The following GRID2 variants were observed in gnomAD, a reference collection of about 807,000 sequenced individuals.
GRID2 encodes the protein glutamate ionotropic receptor delta type subunit 2, also known as glutamate receptor ionotropic, delta-2.
A neutral mutation model predicts 114.8 loss-of-function variants in GRID2; 33 were observed. The ratio of observed to expected loss-of-function variants is 0.29; its 90% CI spans 0.22 to 0.38. The LOEUF (loss-of-function observed/expected upper bound fraction) is 0.38, where lower values mean the gene tolerates loss of function less well. Ranked by LOEUF, GRID2 falls within the 10% of genes least tolerant of loss-of-function variation. The probability of loss-of-function intolerance (pLI) is 1.00; values close to 1 mark genes in which losing one functional copy is unlikely to be tolerated. For synonymous variants in GRID2, 505 were observed against 449.9 expected, an observed-to-expected ratio of 1.12 and a Z score of -1.55; for missense variants, 1,184 against 1,257.7, an observed-to-expected ratio of 0.94 and a Z score of 0.89.
intron 1 of GRID2, among the ~76,000 whole-genome samples, chr4:92,361,042 TTTA>T (rs1728594912): frequency 6.6e-6 from 1 of 152,034 alleles, no homozygotes; most frequent in African/African-American, 2.4e-5. Flanking sequence ...ATTATTTTTA[TTTA>T]TTGTTTACTC....
intron 1 of GRID2, among the ~76,000 whole-genome samples, chr4:92,344,586 G>C (rs1013157500): frequency 6.6e-6 from 1 of 152,186 alleles, no homozygotes; most frequent in Admixed American, 6.5e-5. Flanking sequence ...TCTTCACTCG[G>C]ATTCGAGTGG....
At chr4:93,358,278 A>G (rs983631580) in intron 8 of GRID2, among the ~76,000 whole-genome samples, 1 of 151,828 alleles carries the variant, frequency 6.6e-6, no homozygotes, top group African/African-American at 2.4e-5. Flanking sequence ...ATTAATTAAC[A>G]GTAGCAAAAA....
chr4:93,791,694 T>G (rs1386557017), intron 1 of GRID2, among the ~76,000 whole-genome samples: 1 of 152,174 alleles, frequency 6.6e-6, no homozygotes, highest in African/African-American at 2.4e-5. Context: ...GAGAGTCCCC[T>G]TCTTGTTTCT....
chr4:92,725,862 A>G (rs1299894404), intron 2 of GRID2, among the ~76,000 whole-genome samples: 1 of 152,184 alleles, frequency 6.6e-6, no homozygotes, highest in African/African-American at 2.4e-5. Context: ...TTATATAGAG[A>G]TAAAGCTTTC....
intron 2 of GRID2, among the ~76,000 whole-genome samples, chr4:92,915,747 T>C (rs1160197930): frequency 6.6e-6 from 1 of 152,156 alleles, no homozygotes; most frequent in Non-Finnish European, 1.5e-5. Context: ...GACTTTTTAA[T>C]AGTAGCCATT....
intron 13 of GRID2, among the ~76,000 whole-genome samples, chr4:93,596,673 GTTACA>G (rs931610611): frequency 2.0e-5 from 3 of 152,122 alleles, no homozygotes; most frequent in Admixed American, 1.3e-4. Flanking sequence ...TAAAAATTAC[GTTACA>G]TTGTTTTGTG....
At chr4:92,818,974 A>G (rs756523438) in intron 2 of GRID2, among the ~76,000 whole-genome samples, 20 of 152,084 alleles carry the variant, frequency 1.3e-4, no homozygotes, top group Non-Finnish European at 2.6e-4. Flanking sequence ...GAAGAAGCTT[A>G]TGTTGCAAGA....
At chr4:92,757,311 C>T (rs952671703) in intron 2 of GRID2, among the ~76,000 whole-genome samples, 4 of 152,098 alleles carry the variant, frequency 2.6e-5, no homozygotes, top group Non-Finnish European at 4.4e-5. Context: ...ATACCTAGTC[C>T]ATAGATAATT....
At chr4:92,860,158 TAAC>T (rs752923548) in intron 2 of GRID2, among the ~76,000 whole-genome samples, 11 of 152,226 alleles carry the variant, frequency 7.2e-5, no homozygotes, top group Non-Finnish European at 1.3e-4. Flanking sequence ...ATTACAGACT[TAAC>T]AAGTGGCAAA....
intron 2 of GRID2, among the ~76,000 whole-genome samples, chr4:92,925,815 A>G (rs1490497028): frequency 3.3e-5 from 5 of 152,156 alleles, no homozygotes; most frequent in Admixed American, 2.0e-4. Flanking sequence ...CTCCATGGAC[A>G]TCATTAAGCC....
At chr4:93,554,227 A>G (rs921493581) in intron 13 of GRID2, among the ~76,000 whole-genome samples, 12 of 152,260 alleles carry the variant, frequency 7.9e-5, no homozygotes, top group African/African-American at 1.9e-4. Context: ...TCATCATGAC[A>G]TCATCTGCCA....
intron 13 of GRID2, among the ~76,000 whole-genome samples, chr4:93,545,652 A>G (rs1733141444): frequency 6.6e-6 from 1 of 152,206 alleles, no homozygotes; most frequent in African/African-American, 2.4e-5. Flanking sequence ...CTCCATGTTC[A>G]GTGACATCAC....
chr4:93,092,056 C>G (rs1730838585), intron 3 of GRID2, among the ~76,000 whole-genome samples: 1 of 152,076 alleles, frequency 6.6e-6, no homozygotes, highest in East Asian at 1.9e-4. Context: ...AACAAGCAGC[C>G]TCACTAAGGT....
intron 1 of GRID2, among the ~76,000 whole-genome samples, chr4:92,494,053 G>A (rs1399173113): frequency 6.6e-6 from 1 of 152,048 alleles, no homozygotes; most frequent in African/African-American, 2.4e-5. Flanking sequence ...GAGCCAAAAA[G>A]TTACTGTGCT....
chr4:93,586,103 C>T (rs1737516269), intron 13 of GRID2, among the ~76,000 whole-genome samples: 1 of 152,062 alleles, frequency 6.6e-6, no homozygotes, highest in Non-Finnish European at 1.5e-5. Flanking sequence ...ACATTTTATG[C>T]TTGACTACTT....
At chr4:92,416,347 T>C (rs1400226059) in intron 1 of GRID2, among the ~76,000 whole-genome samples, 1 of 152,190 alleles carries the variant, frequency 6.6e-6, no homozygotes, top group East Asian at 1.9e-4. Flanking sequence ...TCTCCCACTC[T>C]GTGGGTTGTC....
At chr4:93,715,151 C>A (rs913985810) in intron 14 of GRID2, among the ~76,000 whole-genome samples, 1 of 152,158 alleles carries the variant, frequency 6.6e-6, no homozygotes, top group Non-Finnish European at 1.5e-5. Context: ...CTGCCTATGG[C>A]TAACCAGTTC....
intron 1 of GRID2, among the ~76,000 whole-genome samples, chr4:92,361,870 C>T (rs1728636420): frequency 6.6e-6 from 1 of 151,906 alleles, no homozygotes; most frequent in South Asian, 2.1e-4. Context: ...ATGCAGCTTC[C>T]TCTTTCCATT....
intron 8 of GRID2, among the ~76,000 whole-genome samples, chr4:93,287,619 A>G (rs947496833): frequency 3.9e-5 from 6 of 152,316 alleles, no homozygotes; most frequent in South Asian, 2.1e-4. Context: ...ATGAAAGGAC[A>G]GTTGCTTCTT....
Sources: allele counts gnomAD v4.1 joint callset (sites outside exome capture counted in the v4.1 genomes callset), GRCh38; gene constraint gnomAD v4.1.1; transcripts MANE v1.5; gene names NCBI Gene and HGNC (gene_info 2026-07-23, HGNC 2026-07-21).